Variants in VWDE observed in about 807,000 individuals in gnomAD.
VWDE encodes von Willebrand factor D and EGF domains, also known as von Willebrand factor D and EGF domain-containing protein.
A neutral mutation model predicts 178.4 loss-of-function variants in VWDE; 207 were observed. The observed-to-expected ratio is 1.16, with a 90% CI of 1.04 to 1.30. The LOEUF (loss-of-function observed/expected upper bound fraction) is 1.30, where lower values mean the gene tolerates loss of function less well. VWDE is among the 50% of genes most tolerant of loss of function. The pLI, the probability that VWDE is intolerant of heterozygous loss-of-function variation, is 0.00. For missense variants in VWDE, 2,287 were observed against 1,901.3 expected (o/e 1.20, Z -3.77); for synonymous variants, 738 against 651.4 (o/e 1.13, Z -2.02).
At position 12,370,082 on chromosome 7, in the gene VWDE, T is replaced by C. The variant is rs116290670; in HGVS notation, c.2224A>G (p.Met742Val). 2,605 of 1,551,586 alleles carry C rather than the reference T, an allele frequency of 1.7e-3. 52 individuals are homozygous for C. The African/African-American group carries it at 0.032, about 19-fold the overall frequency. Residue 742 changes from methionine to valine, a missense_variant, in exon 12 of 29, where the codon ATG (methionine) becomes GTG (valine). Met to Val is a conservative substitution (Grantham distance 21, BLOSUM62 1). Transcript: ENST00000275358. ...TQGRGSHSQE[M>V]RYNRQNRWKR... The stretch of plus-strand genomic sequence containing the variant: ...CATCTGTTTTGTCGATTGTACCTCA[T>C]TTCTTGGCTGTGGCTTCCCCGGCCT...
Position 12,389,328 on chromosome 7 carries a change from A to T in VWDE, c.274T>A (p.Trp92Arg). The T allele has an allele frequency of 6.5e-7, 1 of 1,549,766 alleles. No individual in the cohort carries two copies. ...GTTTCTGAATCTCTCAGAGACAGCC[A>T]GATGGGGGCCTGAGTTCCACAATGG... ...MNHCGTQAPI[W>R]LSLRDSETLP... The change falls in exon 3 of 29, where the codon TGG (tryptophan) becomes AGG (arginine). Residue 92 changes from tryptophan (W) to arginine (R), a missense_variant. Coordinates refer to ENST00000275358, the MANE Select transcript of VWDE (RefSeq NM_001135924.3).
At chr7:12,384,815 C>T (rs1185174318) in intron 3 of VWDE, among the ~76,000 whole-genome samples, 2 of 152,052 alleles carry the variant, frequency 1.3e-5, no homozygotes, top group African/African-American at 4.8e-5. Context: ...ACTATCTAAA[C>T]AAAGGTAGGC....
At chr7:12,358,376 A>AC in intron 16 of VWDE, among the ~76,000 whole-genome samples, 1 of 149,998 alleles carries the variant, frequency 6.7e-6, no homozygotes, top group African/African-American at 2.5e-5. Flanking sequence ...TCTGTCTCAA[A>AC]AAATAAAAGG....
intron 19 of VWDE, among the ~76,000 whole-genome samples, chr7:12,345,213 C>G (rs1781540467): frequency 1.3e-5 from 2 of 151,940 alleles, no homozygotes; most frequent in Admixed American, 1.3e-4. Flanking sequence ...AGCAGACCCA[C>G]TTTTGTTCTT....
chr7:12,356,048 A>G lies in VWDE; in HGVS notation c.3745+63T>C, dbSNP rs1782223733. 3.0e-6 allele frequency: 4 copies of G among 1,315,428 alleles called. No homozygotes were observed. In the Admixed American group the frequency reaches 9.1e-5, roughly 30 times the overall value. The allele number at this position is 1,315,428 out of a possible 1,614,324, so 81.5% of individuals were successfully genotyped here. On this transcript the variant is annotated intron_variant, in intron 18 of 28. Coordinates refer to ENST00000275358, the MANE Select transcript of VWDE (RefSeq NM_001135924.3). ...TTAGGACCACACATTTGCTTAAGTA[A>G]TCTGTAGATATGTGTTTCAAGGAGC...
chr7:12,383,467 A>G, intron 4 of VWDE, 69 bp downstream of exon 4: 1 of 1,214,194 alleles, frequency 8.2e-7, no homozygotes, highest in Admixed American at 2.0e-5. Flanking sequence ...AAAGCTGCAG[A>G]ATATAATTAT....
At chr7:12,395,251 T>C (rs1045240278) in intron 1 of VWDE, among the ~76,000 whole-genome samples, 3 of 152,180 alleles carry the variant, frequency 2.0e-5, no homozygotes, top group Admixed American at 6.5e-5. Context: ...TTTCATCTAA[T>C]TTTAGAATAT....
intron 19 of VWDE, among the ~76,000 whole-genome samples, chr7:12,345,140 T>G (rs1781533584): frequency 6.6e-6 from 1 of 152,080 alleles, no homozygotes; most frequent in Non-Finnish European, 1.5e-5. Flanking sequence ...TCAAATATAT[T>G]TGTAATATAT....
intron 16 of VWDE, 97 bp from the exon 17 acceptor site, chr7:12,357,612 C>A: frequency 7.5e-7 from 1 of 1,340,482 alleles, no homozygotes; most frequent in Admixed American, 2.7e-5. Flanking sequence ...TTGATAAAGA[C>A]TGAACTCTGC....
At chr7:12,347,520 A>G (rs1269452771) in intron 19 of VWDE, among the ~76,000 whole-genome samples, 1 of 152,160 alleles carries the variant, frequency 6.6e-6, no homozygotes, top group Non-Finnish European at 1.5e-5. Flanking sequence ...ATCAAAAACA[A>G]TGTATTATTG....
At chr7:12,338,159 T>C (rs1011376983) in intron 24 of VWDE, among the ~76,000 whole-genome samples, 5 of 151,904 alleles carry the variant, frequency 3.3e-5, no homozygotes, top group African/African-American at 1.2e-4. Flanking sequence ...GTAAGAAAAA[T>C]TCTACTGTTT....
At chr7:12,361,107 C>T (rs1011655404) in intron 15 of VWDE, 40 bp downstream of exon 15, 10 of 1,256,760 alleles carry the variant, frequency 8.0e-6, no homozygotes, top group African/African-American at 3.0e-5. Flanking sequence ...ATGAAAATAC[C>T]TATGATGTAA....
rs966537865 is a variant in VWDE, at chr7:12,333,533, A to G, written c.4690T>C (p.Cys1564Arg). Residue 1564 changes from cysteine to arginine, a missense_variant, in exon 28 of 29, where the codon TGC becomes CGC. Physicochemically the swap from Cys to Arg is radical, Grantham distance 180. Coordinates refer to ENST00000275358, the MANE Select transcript of VWDE (RefSeq NM_001135924.3). Reference sequence around the variant, plus strand: ...CAGGAACACACATTGGGAAATATGCATCTGCCTCCATAAAGACATTTTGGG... The same window carrying G: ...CAGGAACACACATTGGGAAATATGCGTCTGCCTCCATAAAGACATTTTGGG... ...CNPKCLYGGR[C>R]IFPNVCSCRT... The G allele has an allele frequency of 1.4e-4, 214 of 1,551,186 alleles. No individual in the cohort carries two copies. The highest frequency in any genetic ancestry group is 1.8e-4 in the Non-Finnish European group (201 of 1,146,700).
chr7:12,390,401 G>A (rs1322049856), intron 2 of VWDE, among the ~76,000 whole-genome samples: 2 of 151,966 alleles, frequency 1.3e-5, no homozygotes, highest in Admixed American at 1.3e-4. Flanking sequence ...GTGCCATAGT[G>A]AGGTATAGAT....
chr7:12,386,753 G>T (rs1235238358), intron 3 of VWDE, among the ~76,000 whole-genome samples: 3 of 152,058 alleles, frequency 2.0e-5, no homozygotes. Context: ...CTCACCTTCA[G>T]TATTCTCTTC....
Position 12,367,212 on chromosome 7 carries a change from T to C in VWDE, c.2898+145A>G, listed in dbSNP as rs1314724226. 9 of 548,148 alleles carry C rather than the reference T, an allele frequency of 1.6e-5. No homozygotes were observed. The South Asian group carries it at 2.3e-4, about 14-fold the overall frequency. 34.0% of individuals were successfully genotyped at this position (548,148 alleles called of 1,614,324 possible). On this transcript the variant is annotated intron_variant, in intron 13 of 28. Transcript: ENST00000275358. The stretch of plus-strand genomic sequence containing the variant: ...TTAACAAAGAAGCGTCAACATTATG[T>C]AACTTAATCATTTTCCTGTTCAGCT...
chr7:12,397,315 G>A (rs1784677116), intron 1 of VWDE, among the ~76,000 whole-genome samples: 1 of 152,132 alleles, frequency 6.6e-6, no homozygotes, highest in African/African-American at 2.4e-5. Flanking sequence ...AATTAGCAAT[G>A]GGAAAAGGAC....
intron 28 of VWDE, among the ~76,000 whole-genome samples, chr7:12,332,266 A>G (rs1286039339): frequency 6.6e-6 from 1 of 152,122 alleles, no homozygotes; most frequent in East Asian, 1.9e-4. Flanking sequence ...AGCAGGTTAC[A>G]GTAGAACAGG....
At chr7:12,345,338 C>T (rs369794669) in intron 19 of VWDE, among the ~76,000 whole-genome samples, 1 of 151,950 alleles carries the variant, frequency 6.6e-6, no homozygotes, top group East Asian at 1.9e-4. Flanking sequence ...TTTTTAATAA[C>T]TTAAACTTGA....
Sources: allele counts gnomAD v4.1 joint callset (sites outside exome capture counted in the v4.1 genomes callset), GRCh38; gene constraint gnomAD v4.1.1; transcripts MANE v1.5; gene names NCBI Gene and HGNC (gene_info 2026-07-23, HGNC 2026-07-21).